The following CNTN4 variants were observed in gnomAD, a reference collection of about 807,000 sequenced individuals.
The protein encoded by CNTN4 is contactin 4.
CNTN4 carries 77 observed loss-of-function variants against 122.5 expected under a neutral mutation model. The ratio of observed to expected loss-of-function variants is 0.63; its 90% CI spans 0.52 to 0.76. The LOEUF (loss-of-function observed/expected upper bound fraction) is 0.76, where lower values mean the gene tolerates loss of function less well. CNTN4 is among the 30% of genes least tolerant of loss of function. The pLI, the probability that CNTN4 is intolerant of heterozygous loss-of-function variation, is 0.00. For synonymous variants in CNTN4, 512 were observed against 447.0 expected, an observed-to-expected ratio of 1.15 and a Z score of -1.83; for missense variants, 1,256 against 1,259.1, an observed-to-expected ratio of 1.00 and a Z score of 0.04.
chr3:2,928,635 T>G (rs1369629882), intron 13 of CNTN4, among the ~76,000 whole-genome samples: 2 of 152,218 alleles, frequency 1.3e-5, no homozygotes, highest in African/African-American at 4.8e-5. Context: ...ATTAAAAATA[T>G]TATTAATCCC....
rs528525376 is a variant in CNTN4 at position 2,429,884 on chromosome 3, C to T, written c.-89+90651C>T. ...CGTGGGCATGGGACCCTCCAAGCCACGCGCGGGATATAATTTTGCTAAAAC... is the reference window on the plus strand; with the variant it reads ...CGTGGGCATGGGACCCTCCAAGCCATGCGCGGGATATAATTTTGCTAAAAC... On this transcript the variant is annotated intron_variant, in intron 3 of 24. Coordinates refer to ENST00000418658, the MANE Select transcript of CNTN4 (RefSeq NM_175607.3). 3.9e-5 allele frequency among the ~76,000 whole-genome samples: 6 copies of T among 152,254 alleles called. No individual in the cohort carries two copies. In the East Asian group the frequency reaches 5.8e-4, roughly 15 times the overall value.
chr3:2,948,997 C>T (rs2094708248), intron 13 of CNTN4, among the ~76,000 whole-genome samples: 1 of 152,022 alleles, frequency 6.6e-6, no homozygotes, highest in Non-Finnish European at 1.5e-5. Context: ...TCTCTGCTTG[C>T]CATATCCTGC....
At chr3:2,368,777 GT>G (rs2150628561) in intron 3 of CNTN4, among the ~76,000 whole-genome samples, 1 of 152,274 alleles carries the variant, frequency 6.6e-6, no homozygotes, top group South Asian at 2.1e-4. Context: ...AAGAAAATAA[GT>G]TTTCTTCTCT....
rs147437143 is a variant in CNTN4, at chr3:2,343,554, G to A, written c.-89+4321G>A. On this transcript the variant is annotated intron_variant, in intron 3 of 24. Transcript: ENST00000418658. ...GTAACCAGTGGGAAACCTCTAGAGGGTAAACCCCAGAAAATTCTGTAACCA... is the reference window on the plus strand; with the variant it reads ...GTAACCAGTGGGAAACCTCTAGAGGATAAACCCCAGAAAATTCTGTAACCA... Among the ~76,000 whole-genome samples the A allele has an allele frequency of 1.7e-3, 262 of 152,240 alleles. 1 individual carries two copies. The highest frequency in any genetic ancestry group is 0.01 in the South Asian group (50 of 4,816).
intron 6 of CNTN4, among the ~76,000 whole-genome samples, chr3:2,784,855 A>G (rs545829939): frequency 2.0e-5 from 3 of 152,318 alleles, no homozygotes; most frequent in Admixed American, 6.5e-5. Flanking sequence ...AAGGTATTCA[A>G]TAAGCGCTAG....
intron 2 of CNTN4, among the ~76,000 whole-genome samples, chr3:2,120,275 A>G (rs146852339): frequency 1.5e-4 from 22 of 149,326 alleles, no homozygotes; most frequent in African/African-American, 5.3e-4. Flanking sequence ...AAGGAGAAAC[A>G]TTAGTTTCAC....
At chr3:2,219,530 C>T (rs903711364) in intron 2 of CNTN4, among the ~76,000 whole-genome samples, 1 of 152,146 alleles carries the variant, frequency 6.6e-6, no homozygotes, top group Admixed American at 6.5e-5. Flanking sequence ...CCTCAGTTAT[C>T]CACTGAACTG....
At chr3:2,411,256 C>T (rs2047216823) in intron 3 of CNTN4, among the ~76,000 whole-genome samples, 1 of 152,076 alleles carries the variant, frequency 6.6e-6, no homozygotes, top group African/African-American at 2.4e-5. Context: ...TTGATAGGTG[C>T]AGCAAACCAC....
At chr3:2,893,782 G>T (rs2151070569) in intron 10 of CNTN4, among the ~76,000 whole-genome samples, 1 of 152,222 alleles carries the variant, frequency 6.6e-6, no homozygotes, top group African/African-American at 2.4e-5. Context: ...AATGAATATT[G>T]TTTAAATTTA....
At chr3:2,309,767 T>C (rs1299048015) in intron 2 of CNTN4, among the ~76,000 whole-genome samples, 4 of 152,154 alleles carry the variant, frequency 2.6e-5, no homozygotes, top group African/African-American at 9.7e-5. Context: ...TAGACATAGT[T>C]TGTGGAACAA....
chr3:2,980,231 G>A (rs1693834749), intron 13 of CNTN4, among the ~76,000 whole-genome samples: 1 of 152,192 alleles, frequency 6.6e-6, no homozygotes, highest in Non-Finnish European at 1.5e-5. Flanking sequence ...AATTTACTGT[G>A]TTGTGAATTA....
At chr3:2,766,474 C>G (rs1486902557) in intron 6 of CNTN4, among the ~76,000 whole-genome samples, 1 of 152,174 alleles carries the variant, frequency 6.6e-6, no homozygotes, top group Non-Finnish European at 1.5e-5. Flanking sequence ...GACGATTATT[C>G]TAAGTGAAGT....
chr3:2,748,650 A>C (rs1466173818), intron 6 of CNTN4, among the ~76,000 whole-genome samples: 2 of 152,202 alleles, frequency 1.3e-5, no homozygotes, highest in Non-Finnish European at 2.9e-5. Context: ...CTCCAATTTC[A>C]TCCACGTGTT....
intron 2 of CNTN4, among the ~76,000 whole-genome samples, chr3:2,202,980 C>T (rs1575073181): frequency 6.8e-6 from 1 of 147,748 alleles, no homozygotes; most frequent in South Asian, 2.2e-4. Context: ...TGCCACCAAG[C>T]CTGGCTAATT....
chr3:2,600,729 C>T (rs1220043743), intron 4 of CNTN4, among the ~76,000 whole-genome samples: 1 of 152,156 alleles, frequency 6.6e-6, no homozygotes, highest in Non-Finnish European at 1.5e-5. Flanking sequence ...AATGGGATGG[C>T]TGGGTCAAAC....
chr3:2,973,001 G>C (rs189848562), intron 13 of CNTN4, among the ~76,000 whole-genome samples: 1 of 152,094 alleles, frequency 6.6e-6, no homozygotes, highest in East Asian at 1.9e-4. Flanking sequence ...TATTAAATAG[G>C]AGAGGACCCA....
At chr3:2,640,007 A>G (rs1006521856) in intron 4 of CNTN4, among the ~76,000 whole-genome samples, 5 of 152,244 alleles carry the variant, frequency 3.3e-5, no homozygotes, top group African/African-American at 1.2e-4. Context: ...ATTGAATTCA[A>G]TGAACCAAAA....
intron 13 of CNTN4, among the ~76,000 whole-genome samples, chr3:2,963,127 C>T (rs576683418): frequency 7.9e-5 from 12 of 152,088 alleles, no homozygotes; most frequent in Non-Finnish European, 1.6e-4. Context: ...TCACCTAAAA[C>T]CTAGTAATTA....
chr3:2,111,127 T>C (rs1236646191), intron 2 of CNTN4, among the ~76,000 whole-genome samples: 2 of 152,198 alleles, frequency 1.3e-5, no homozygotes, highest in African/African-American at 2.4e-5. Context: ...ATTTACCCTT[T>C]ATTTTCTTTT....
Sources: allele counts gnomAD v4.1 joint callset (sites outside exome capture counted in the v4.1 genomes callset), GRCh38; gene constraint gnomAD v4.1.1; transcripts MANE v1.5; gene names NCBI Gene and HGNC (gene_info 2026-07-23, HGNC 2026-07-21).